The following CLIC5 variants were observed in gnomAD, a reference collection of about 807,000 sequenced individuals.
The protein encoded by CLIC5 is chloride intracellular channel protein 5.
A neutral mutation model predicts 24.7 loss-of-function variants in CLIC5; 20 were observed. That is an observed-to-expected ratio of 0.81 (90% CI 0.57 to 1.18). CLIC5 has a LOEUF of 1.18. Ranked by LOEUF, CLIC5 falls within the 50% of genes most tolerant of loss-of-function variation. The probability of loss-of-function intolerance (pLI) is 0.00; values close to 1 mark genes in which losing one functional copy is unlikely to be tolerated. For missense variants in CLIC5, 341 were observed against 326.1 expected (o/e 1.05, Z -0.35); for synonymous variants, 159 against 135.6 (o/e 1.17, Z -1.20).
chr6:46,003,032 G>T (rs1362143621), intron 1 of CLIC5, among the ~76,000 whole-genome samples: 1 of 152,220 alleles, frequency 6.6e-6, no homozygotes, highest in Non-Finnish European at 1.5e-5. Context: ...GAAGTTTGAA[G>T]CCAGGCTCTA....
At chr6:46,049,280 T>C (rs770633810) in intron 1 of CLIC5, among the ~76,000 whole-genome samples, 5 of 152,144 alleles carry the variant, frequency 3.3e-5, no homozygotes, top group African/African-American at 4.8e-5. Context: ...TTAACCTACC[T>C]CCAAGCATAA....
At chr6:46,005,699 G>A (rs1434091749) in intron 1 of CLIC5, among the ~76,000 whole-genome samples, 1 of 152,006 alleles carries the variant, frequency 6.6e-6, no homozygotes, top group Non-Finnish European at 1.5e-5. Context: ...GGCTTTGGGA[G>A]GTGATTAGGT....
chr6:45,908,615 G>A (rs1762726569), intron 5 of CLIC5, among the ~76,000 whole-genome samples: 2 of 151,716 alleles, frequency 1.3e-5, no homozygotes, highest in South Asian at 4.2e-4. Flanking sequence ...TTCTATTTTT[G>A]TTCCACTGTG....
At chr6:46,020,258 T>C (rs1158159975), upstream of CLIC5, among the ~76,000 whole-genome samples, 2 of 152,166 alleles carry the variant, frequency 1.3e-5, no homozygotes, top group African/African-American at 4.8e-5. Context: ...TCAATTAAAT[T>C]AATATCCAGA....
At chr6:46,054,084 G>C (rs1768179849) in intron 1 of CLIC5, among the ~76,000 whole-genome samples, 1 of 152,076 alleles carries the variant, frequency 6.6e-6, no homozygotes. Flanking sequence ...GGGTAGGCTG[G>C]GGGATGTTTG....
chr6:46,087,256 G>A, the CLIC5 span, among the ~76,000 whole-genome samples: 3 of 152,166 alleles, frequency 2.0e-5, no homozygotes, highest in African/African-American at 7.2e-5. Context: ...TAGAGGAGAT[G>A]AGGAAGGAAA....
At chr6:45,952,701 C>T (rs1000927086) in intron 2 of CLIC5, among the ~76,000 whole-genome samples, 11 of 152,112 alleles carry the variant, frequency 7.2e-5, no homozygotes, top group Admixed American at 2.6e-4. Context: ...GCCTGGTCTA[C>T]GTCAAAGGGG....
At chr6:46,076,206 T>G (rs906823507) in intron 1 of CLIC5, among the ~76,000 whole-genome samples, 1 of 152,130 alleles carries the variant, frequency 6.6e-6, no homozygotes, top group African/African-American at 2.4e-5. Flanking sequence ...CCTCTGCACC[T>G]CTCCAGCCTC....
the CLIC5 span, among the ~76,000 whole-genome samples, chr6:46,103,664 G>A: frequency 6.6e-6 from 1 of 152,156 alleles, no homozygotes; most frequent in Non-Finnish European, 1.5e-5. Context: ...CCATTGGAGG[G>A]TGGGGTAGTC....
chr6:46,081,203 C>T (rs1475539261), upstream of CLIC5, among the ~76,000 whole-genome samples: 2 of 152,158 alleles, frequency 1.3e-5, no homozygotes, highest in Non-Finnish European at 2.9e-5. Flanking sequence ...CAGTCAATGC[C>T]ATCCACAGAT....
chr6:46,107,903 C>T, the CLIC5 span, among the ~76,000 whole-genome samples: 5 of 151,850 alleles, frequency 3.3e-5, no homozygotes, highest in African/African-American at 7.2e-5. Context: ...AGCGTGGTGG[C>T]GCATGCCTGT....
the CLIC5 span, among the ~76,000 whole-genome samples, chr6:46,104,656 C>A: frequency 6.7e-6 from 1 of 148,478 alleles, no homozygotes; most frequent in Admixed American, 6.7e-5. Context: ...GGCAAAGACT[C>A]CTATGTTTAA....
chr6:46,095,151 C>T, the CLIC5 span, among the ~76,000 whole-genome samples: 19 of 151,510 alleles, frequency 1.3e-4, no homozygotes, highest in Middle Eastern at 3.4e-3. Context: ...GCAGTGGGGC[C>T]CTGGGCCTGG....
chr6:45,957,951 A>ATT (rs11402927), intron 1 of CLIC5, among the ~76,000 whole-genome samples: 44 of 151,916 alleles, frequency 2.9e-4, no homozygotes, highest in Admixed American at 2.2e-3. Context: ...TTCCAGAGAG[A>ATT]TTTTGAGCAC....
the CLIC5 span, among the ~76,000 whole-genome samples, chr6:46,122,757 C>T: frequency 3.3e-5 from 5 of 151,992 alleles, no homozygotes; most frequent in South Asian, 2.1e-4. Context: ...ATACCACCGC[C>T]GATCCCACAG....
intron 5 of CLIC5, chr6:45,912,433 T>G (rs1391357604): frequency 1.7e-6 from 2 of 1,165,412 alleles, no homozygotes; most frequent in Non-Finnish European, 2.1e-6. Flanking sequence ...GCTTGGGAGA[T>G]TCATTTGTTT....
At chr6:45,967,113 G>T (rs1056965202) in intron 1 of CLIC5, among the ~76,000 whole-genome samples, 1 of 152,162 alleles carries the variant, frequency 6.6e-6, no homozygotes, top group Non-Finnish European at 1.5e-5. Context: ...AAAAATGCAG[G>T]GTCCTCATAA....
At chr6:46,040,540 G>A (rs895008374) in intron 1 of CLIC5, among the ~76,000 whole-genome samples, 1 of 151,944 alleles carries the variant, frequency 6.6e-6, no homozygotes, top group Non-Finnish European at 1.5e-5. Flanking sequence ...ATGTGGTAGA[G>A]GTTGCATTGA....
intron 6 of CLIC5, among the ~76,000 whole-genome samples, chr6:45,890,417 C>A (rs1762338416): frequency 6.6e-6 from 1 of 152,038 alleles, no homozygotes; most frequent in South Asian, 2.1e-4. Context: ...TGAAAGATAA[C>A]AAAGATGAGA....
Sources: allele counts gnomAD v4.1 joint callset (sites outside exome capture counted in the v4.1 genomes callset), GRCh38; gene constraint gnomAD v4.1.1; transcripts MANE v1.5; gene names NCBI Gene and HGNC (gene_info 2026-07-23, HGNC 2026-07-21).